The following KCNC4 variants were observed in gnomAD, a reference collection of about 807,000 sequenced individuals.
KCNC4 encodes the protein potassium voltage-gated channel subfamily C member 4, also known as voltage-gated potassium channel KCNC4.
A neutral mutation model predicts 42.8 loss-of-function variants in KCNC4; 23 were observed. The ratio of observed to expected loss-of-function variants is 0.54; its 90% CI spans 0.39 to 0.76. The LOEUF (loss-of-function observed/expected upper bound fraction) is 0.76. Among genes scored for constraint, KCNC4 ranks in the 30% least tolerant of loss-of-function variants. KCNC4 has a pLI of 0.00. For missense variants in KCNC4, 751 were observed against 898.2 expected (o/e 0.84, Z 2.10); for synonymous variants, 422 against 393.5 (o/e 1.07, Z -0.86).
At chr1:110,260,774 C>CA (rs1167918252) in intron 1 of KCNC4, among the ~76,000 whole-genome samples, 4 of 152,160 alleles carry the variant, frequency 2.6e-5, no homozygotes, top group Admixed American at 2.0e-4. Context: ...ACTAAAAATA[C>CA]AAAAAATTAG....
At position 110,223,869 on chromosome 1, in the gene KCNC4, G is replaced by A; in HGVS notation, c.1584G>A (p.Arg528=). The change falls in exon 2 of 4, where the codon CGG becomes CGA. Residue 528 remains arginine (R), a synonymous_variant. Coordinates refer to ENST00000438661, the MANE Select transcript of KCNC4 (RefSeq NM_001039574.3). This position sits in a 1 kb window ranked among gnomAD's most constrained non-coding sequence, Gnocchi z 7.5. ...STCSDTSPPA[R]EEGMIERKRA... is the part of the protein sequence containing the mutation. ...GCAGTGATACCAGCCCCCCTGCCCG[G>A]GAAGAGGGTATGATCGAGAGGAAAC... 1.9e-6 allele frequency: 3 copies of A among 1,603,102 alleles called. No individual in the cohort carries two copies. The highest frequency in any genetic ancestry group is 2.6e-6 in the Non-Finnish European group (3 of 1,172,960).
chr1:110,269,605 A>G (rs1482149223), intron 1 of KCNC4, among the ~76,000 whole-genome samples: 1 of 152,240 alleles, frequency 6.6e-6, no homozygotes, highest in Non-Finnish European at 1.5e-5. Context: ...TGCTATAAAC[A>G]TTCATGTAGA....
At chr1:110,251,352 C>T (rs1013110538), downstream of KCNC4, among the ~76,000 whole-genome samples, 1 of 152,176 alleles carries the variant, frequency 6.6e-6, no homozygotes, top group Non-Finnish European at 1.5e-5. Context: ...CCATGCTGTT[C>T]TCACAATAGT....
intron 1 of KCNC4, among the ~76,000 whole-genome samples, chr1:110,257,437 C>T (rs1045709507): frequency 2.0e-5 from 3 of 151,718 alleles, no homozygotes; most frequent in Admixed American, 6.6e-5. Context: ...GTCCAGGGAC[C>T]GGGTGCGGTG....
chr1:110,212,432 C>A (rs565631648), intron 1 of KCNC4, among the ~76,000 whole-genome samples: 25 of 152,294 alleles, frequency 1.6e-4, no homozygotes, highest in African/African-American at 5.5e-4. Context: ...CCTGCTTTGC[C>A]GCATCCCCTC....
At chr1:110,276,299 C>CAAAAAAAA (rs3062031) in intron 1 of KCNC4, among the ~76,000 whole-genome samples, 1 of 98,888 alleles carries the variant, frequency 1.0e-5, no homozygotes, top group African/African-American at 3.6e-5. Context: ...TCAATTTATA[C>CAAAAAAAA]AAAAAAAAAA....
At chr1:110,238,750 ATGT>A (rs1368718107), downstream of KCNC4, 2 of 152,254 alleles carry the variant, frequency 1.3e-5, no homozygotes, top group East Asian at 1.9e-4. Flanking sequence ...GCTGAGATAG[ATGT>A]TGTCAAAACC....
At chr1:110,230,285 C>T (rs896866292) in intron 3 of KCNC4, among the ~76,000 whole-genome samples, 2 of 152,182 alleles carry the variant, frequency 1.3e-5, no homozygotes, top group African/African-American at 4.8e-5. Context: ...GGCCTCCATG[C>T]AACTGCCCTT....
In KCNC4 at chr1:110,211,491, G is replaced by T. The variant is rs770880157; in HGVS notation, c.-9G>T. On this transcript the variant is annotated 5_prime_UTR_variant, in exon 1 of 4. Coordinates refer to ENST00000438661, the MANE Select transcript of KCNC4 (RefSeq NM_001039574.3). This position sits in a 1 kb window ranked among gnomAD's most constrained non-coding sequence, Gnocchi z 6.5. ...GGCCGCCCCAAGCCGGAGCCCCGCA[G>T]CGCTTCTTATGATCAGCTCGGTGTG... 5.6e-6 allele frequency: 9 copies of T among 1,606,968 alleles called. 1 individual carries two copies. The highest frequency in any genetic ancestry group is 7.7e-6 in the Non-Finnish European group (9 of 1,174,898).
intron 3 of KCNC4, 189 bp from the exon 4 acceptor site, chr1:110,232,722 C>T: frequency 1.3e-6 from 2 of 1,510,750 alleles, no homozygotes; most frequent in South Asian, 1.3e-5. Context: ...GTTCCTCATG[C>T]CTTCCAGCTC....
intron 1 of KCNC4, among the ~76,000 whole-genome samples, chr1:110,258,004 C>T (rs996473459): frequency 1.3e-5 from 2 of 152,202 alleles, no homozygotes; most frequent in Admixed American, 1.3e-4. Context: ...CCAAGTTCTA[C>T]TTATAATCCT....
chr1:110,254,098 G>C (rs576148547), downstream of KCNC4, among the ~76,000 whole-genome samples: 3 of 141,114 alleles, frequency 2.1e-5, no homozygotes, highest in Admixed American at 7.0e-5. Flanking sequence ...GTCGGGGGGG[G>C]GGCGGCGTTT....
chr1:110,230,552 C>A (rs1265637696), intron 3 of KCNC4, among the ~76,000 whole-genome samples: 3 of 152,132 alleles, frequency 2.0e-5, no homozygotes, highest in Non-Finnish European at 4.4e-5. Context: ...CCCAAGTTTC[C>A]ACGGCACCCA....
intron 1 of KCNC4, among the ~76,000 whole-genome samples, chr1:110,259,659 C>T (rs563069982): frequency 9.2e-5 from 14 of 151,538 alleles, no homozygotes; most frequent in Non-Finnish European, 2.1e-4. Flanking sequence ...AAGCAGCTGT[C>T]TCACACTCCT....
intron 1 of KCNC4, chr1:110,221,862 G>T (rs1420487842): frequency 6.6e-6 from 1 of 152,264 alleles, no homozygotes; most frequent in Non-Finnish European, 1.5e-5. Flanking sequence ...TGGGCATCCT[G>T]ACAGTGGTGG....
exon 4 of KCNC4, chr1:110,245,120 C>T (rs897568098): frequency 1.3e-5 from 2 of 152,248 alleles, no homozygotes; most frequent in African/African-American, 4.8e-5. Context: ...CCACAGCCTC[C>T]CCATGAGGGG....
downstream of KCNC4, among the ~76,000 whole-genome samples, chr1:110,250,015 C>T (rs1571069837): frequency 1.3e-5 from 2 of 152,198 alleles, no homozygotes; most frequent in East Asian, 1.9e-4. Flanking sequence ...CTGTTATCAG[C>T]GAACACTTTC....
Position 110,233,058 on chromosome 1 carries a change from G to T in KCNC4, c.*86G>T, listed in dbSNP as rs541105415. On this transcript the variant is annotated 3_prime_UTR_variant, in exon 4 of 4. Transcript: ENST00000438661. ...CTGGAACCCAGACAAGAATCTTTTC[G>T]CTGGGAAAGACTCAGATATCCTTGT... is the stretch of plus-strand genomic sequence containing the variant. The T allele has an allele frequency of 8.1e-6, 12 of 1,487,844 alleles. No individual in the cohort carries two copies. The highest frequency in any genetic ancestry group is 1.4e-5 in the African/African-American group (1 of 71,746). The allele number at this position is 1,487,844 out of a possible 1,614,324, so 92.2% of individuals were successfully genotyped here. A position where few individuals can be genotyped will look rare whatever the true frequency, so the allele number is the denominator to read the frequency against.
At chr1:110,254,088 G>GT (rs1659288019), downstream of KCNC4, among the ~76,000 whole-genome samples, 1 of 92,340 alleles carries the variant, frequency 1.1e-5, no homozygotes, top group African/African-American at 5.0e-5. Context: ...ATAGGCAGAA[G>GT]TCGGGGGGGG....
Sources: allele counts gnomAD v4.1 joint callset (sites outside exome capture counted in the v4.1 genomes callset), GRCh38; gene constraint gnomAD v4.1.1; non-coding constraint Gnocchi (gnomAD v3.1); transcripts MANE v1.5; gene names NCBI Gene and HGNC (gene_info 2026-07-23, HGNC 2026-07-21).